THAP12: variants seen among roughly 807,000 people sequenced by gnomAD.
The protein encoded by THAP12 is THAP domain containing 12.
Under a neutral mutation model 63.0 loss-of-function variants are expected in THAP12, and 20 were observed. The observed-to-expected ratio is 0.32, with a 90% confidence interval of 0.22 to 0.46. The LOEUF (loss-of-function observed/expected upper bound fraction) is 0.46. THAP12 is among the 20% of genes least tolerant of loss of function. The pLI is 1.00. For missense variants in THAP12, 568 were observed against 908.2 expected, an observed-to-expected ratio of 0.63 and a Z score of 4.81; for synonymous variants, 264 against 328.4, an observed-to-expected ratio of 0.80 and a Z score of 2.12.
At chr11:76,374,593 A>C (rs770562968) in intron 1 of THAP12, among the ~76,000 whole-genome samples, 23 of 152,168 alleles carry the variant, frequency 1.5e-4, no homozygotes, top group Non-Finnish European at 2.4e-4. Context: ...GATCTGAATA[A>C]TATTTAGAAA....
In THAP12 at chr11:76,363,724, G is replaced by A. The variant is rs527324695; in HGVS notation, c.210+2128C>T. Among the ~76,000 whole-genome samples, 155 of 152,264 alleles carry A rather than the reference G, an allele frequency of 1.0e-3. 1 individual carries two copies. The highest frequency in any genetic ancestry group is 3.7e-3 in the African/African-American group (153 of 41,554). On this transcript the variant is annotated intron_variant, in intron 2 of 4. Transcript: ENST00000260045. ...CTGTTTCAGCCTCCTGAGCAGCTGG[G>A]ATTACACGTGTGCACCGCCATGCCC... is the stretch of plus-strand genomic sequence containing the variant.
Position 76,380,950 on chromosome 11 carries a change from C to T in THAP12, c.-114G>A. ...GGCCGGCCGGCCGGCTCGGCAGGGC[C>T]GACGCGCGGGGGAGGGGCGGGCGGG... On this transcript the variant is annotated 5_prime_UTR_variant, in exon 1 of 5. Transcript: ENST00000260045. 3.8e-6 allele frequency: 2 copies of T among 530,532 alleles called. No homozygotes were observed. The highest frequency in any genetic ancestry group is 5.4e-6 in the Non-Finnish European group (2 of 369,752). The allele number at this position is 530,532 out of a possible 1,614,324, so 32.9% of individuals were successfully genotyped here.
At position 76,380,976 on chromosome 11, in the gene THAP12, C is replaced by T. The variant is rs933334337; in HGVS notation, c.-140G>A. The stretch of plus-strand genomic sequence containing the variant: ...GACGCGCGGGGGAGGGGCGGGCGGG[C>T]TAGAAGCCGCGAGGGCCAGGAGGGG... On this transcript the variant is annotated 5_prime_UTR_variant, in exon 1 of 5. Transcript: ENST00000260045. 1 of 362,292 alleles carries T rather than the reference C, an allele frequency of 2.8e-6. No individual in the cohort carries two copies. The highest frequency in any genetic ancestry group is 4.4e-6 in the Non-Finnish European group (1 of 226,656). The allele number at this position is 362,292 out of a possible 1,614,324, so 22.4% of individuals were successfully genotyped here. A position where few individuals can be genotyped will look rare whatever the true frequency, so the allele number is the denominator to read the frequency against.
intron 1 of THAP12, among the ~76,000 whole-genome samples, chr11:76,366,335 T>G (rs1308512231): frequency 6.6e-6 from 1 of 152,094 alleles, no homozygotes; most frequent in East Asian, 1.9e-4. Flanking sequence ...AGCTTAACAT[T>G]CCCTTCAGGA....
At chr11:76,379,642 A>C (rs1228658750) in intron 1 of THAP12, among the ~76,000 whole-genome samples, 3 of 152,140 alleles carry the variant, frequency 2.0e-5, no homozygotes, top group African/African-American at 7.2e-5. Context: ...ACTGTATTTA[A>C]AATAGCAATT....
At chr11:76,354,414 C>G (rs1038580700) in intron 4 of THAP12, among the ~76,000 whole-genome samples, 3 of 152,330 alleles carry the variant, frequency 2.0e-5, no homozygotes, top group Middle Eastern at 3.4e-3. Context: ...CATTATTTCT[C>G]CACTTCCAAT....
At chr11:76,380,163 G>A (rs1946742481) in intron 1 of THAP12, among the ~76,000 whole-genome samples, 1 of 152,166 alleles carries the variant, frequency 6.6e-6, no homozygotes. Flanking sequence ...GCCCTCACGC[G>A]TACACCCTCT....
chr11:76,372,589 TAAA>T (rs57050881), intron 1 of THAP12, among the ~76,000 whole-genome samples: 5 of 116,700 alleles, frequency 4.3e-5, no homozygotes, highest in Non-Finnish European at 5.4e-5. Context: ...CTGTTACATT[TAAA>T]AAAAAAAAAA....
chr11:76,367,759 T>G (rs528569060), intron 1 of THAP12, among the ~76,000 whole-genome samples: 5 of 152,340 alleles, frequency 3.3e-5, no homozygotes, highest in African/African-American at 1.2e-4. Context: ...CAGTATTTTT[T>G]TTTTATGTTT....
chr11:76,355,865 G>A (rs1375899878), intron 3 of THAP12: 1 of 386,262 alleles, frequency 2.6e-6, no homozygotes, highest in Admixed American at 4.6e-5. Flanking sequence ...TTATAACAAA[G>A]TCTTAGGGAA....
chr11:76,368,904 T>C (rs560815366), intron 1 of THAP12, among the ~76,000 whole-genome samples: 72 of 152,322 alleles, frequency 4.7e-4, no homozygotes, highest in African/African-American at 1.6e-3. Flanking sequence ...ATATATAAAT[T>C]AGGCTACTTT....
chr11:76,359,470 C>G (rs906739177), intron 3 of THAP12: 10 of 152,038 alleles, frequency 6.6e-5, no homozygotes, highest in African/African-American at 2.4e-4. Flanking sequence ...GTAAAGATGT[C>G]AATTCAAAGC....
chr11:76,358,129 G>T (rs1328642058), intron 3 of THAP12: 3 of 151,266 alleles, frequency 2.0e-5, no homozygotes, highest in Non-Finnish European at 4.4e-5. Flanking sequence ...GCCATCTAAT[G>T]GTTTTACCAA....
At chr11:76,357,017 G>A (rs1351734391) in intron 3 of THAP12, 1 of 152,010 alleles carries the variant, frequency 6.6e-6, no homozygotes, top group African/African-American at 2.4e-5. Context: ...ACTCCAGCCT[G>A]GGCAACAAGA....
chr11:76,353,566 A>G (rs1474249798), intron 4 of THAP12, among the ~76,000 whole-genome samples: 6 of 152,276 alleles, frequency 3.9e-5, no homozygotes, highest in African/African-American at 1.4e-4. Context: ...GTATTAGAAT[A>G]TCACACATCT....
chr11:76,376,317 T>G (rs1946709941), intron 1 of THAP12, among the ~76,000 whole-genome samples: 1 of 152,230 alleles, frequency 6.6e-6, no homozygotes, highest in South Asian at 2.1e-4. Context: ...AAAAAGAAAT[T>G]CATGATTTGG....
chr11:76,364,435 GA>G, intron 2 of THAP12: 1 of 434,464 alleles, frequency 2.3e-6, no homozygotes, highest in Non-Finnish European at 4.6e-6. Context: ...AAATGTATCT[GA>G]AAAAAATATC....
chr11:76,362,357 G>A (rs1946603302), intron 2 of THAP12, among the ~76,000 whole-genome samples: 1 of 152,232 alleles, frequency 6.6e-6, no homozygotes, highest in Non-Finnish European at 1.5e-5. Flanking sequence ...GGGAAGACAT[G>A]AAGGGAAAAC....
rs545661329 is a variant in THAP12 at position 76,367,226 on chromosome 11, G to A, written c.90-1254C>T. Reference sequence around the variant, plus strand: ...CAAGTAGCTAGGATTACAGGCATGCGTTACCACGCCTGGCTAATTTTGTAT... The same window carrying A: ...CAAGTAGCTAGGATTACAGGCATGCATTACCACGCCTGGCTAATTTTGTAT... On this transcript the variant is annotated intron_variant, in intron 1 of 4. Coordinates refer to ENST00000260045, the MANE Select transcript of THAP12 (RefSeq NM_004705.4). Among the ~76,000 whole-genome samples the A allele has an allele frequency of 4.0e-5, 6 of 151,608 alleles. No homozygotes were observed. In the South Asian group the frequency reaches 6.3e-4, roughly 16 times the overall value.
Sources: allele counts gnomAD v4.1 joint callset (sites outside exome capture counted in the v4.1 genomes callset), GRCh38; gene constraint gnomAD v4.1.1; transcripts MANE v1.5; gene names NCBI Gene and HGNC (gene_info 2026-07-23, HGNC 2026-07-21).